NHERF4: variants seen among roughly 807,000 people sequenced by gnomAD.
NHERF4 encodes the protein Na(+)/H(+) exchange regulatory cofactor NHE-RF4.
At chr11:119,188,064 C>T in the NHERF4 span, 2 of 1,552,298 alleles carry the variant, frequency 1.3e-6, no homozygotes, top group Non-Finnish European at 8.7e-7. Context: ...CCCACCAAGC[C>T]CCGCTGCCTG....
the NHERF4 span, chr11:119,186,214 C>G: frequency 1.2e-6 from 2 of 1,614,118 alleles, no homozygotes; most frequent in East Asian, 2.2e-5. This position sits in a 1 kb window ranked among gnomAD's most constrained non-coding sequence, Gnocchi z 4.4. Flanking sequence ...GGAGGCACCA[C>G]GGCTCCACAC....
At chr11:119,187,514 C>T in the NHERF4 span, 1 of 1,612,092 alleles carries the variant, frequency 6.2e-7, no homozygotes. Flanking sequence ...AGCCCCTGTT[C>T]AGGGCAGGCA....
the NHERF4 span, chr11:119,187,728 C>T: frequency 6.8e-7 from 1 of 1,480,090 alleles, no homozygotes; most frequent in South Asian, 1.4e-5. Flanking sequence ...CCACTCTCCT[C>T]CCCCAATCCG....
the NHERF4 span, chr11:119,187,559 T>G: frequency 1.9e-6 from 3 of 1,596,646 alleles, no homozygotes; most frequent in African/African-American, 4.0e-5. Context: ...TTTTTTAATT[T>G]CTAGGCAATC....
the NHERF4 span, chr11:119,188,226 G>C: frequency 6.5e-7 from 1 of 1,548,928 alleles, no homozygotes; most frequent in Non-Finnish European, 8.7e-7. Flanking sequence ...TCAGTGCACC[G>C]AAGAGGTGTC....
chr11:119,188,329 G>A, the NHERF4 span: 2 of 1,612,880 alleles, frequency 1.2e-6, no homozygotes, highest in Non-Finnish European at 1.7e-6. Flanking sequence ...AGCTGGAGAG[G>A]AGCAGTGAGG....
the NHERF4 span, chr11:119,188,428 G>A: frequency 4.0e-5 from 64 of 1,613,876 alleles, no homozygotes; most frequent in East Asian, 1.4e-3. Context: ...ACCGGCTGGT[G>A]GCTGTGGCTG....
chr11:119,188,476 G>A, the NHERF4 span: 2 of 1,611,328 alleles, frequency 1.2e-6, no homozygotes, highest in Non-Finnish European at 1.7e-6. Flanking sequence ...AGGAGACAGT[G>A]TCCAGGATCC....
chr11:119,188,721 G>C, the NHERF4 span: 1 of 1,614,216 alleles, frequency 6.2e-7, no homozygotes, highest in Non-Finnish European at 8.5e-7. Flanking sequence ...CTCACTGGTT[G>C]AGACAGAGGA....
At chr11:119,189,138 T>TC in the NHERF4 span, 1 of 1,613,882 alleles carries the variant, frequency 6.2e-7, no homozygotes, top group Non-Finnish European at 8.5e-7. This position sits in a 1 kb window ranked among gnomAD's most constrained non-coding sequence, Gnocchi z 5.8. Context: ...GAGCCACCCC[T>TC]CTGCCTGAAG....
chr11:119,188,733 C>G, the NHERF4 span: 2 of 1,614,062 alleles, frequency 1.2e-6, no homozygotes, highest in Non-Finnish European at 1.7e-6. Context: ...GACAGAGGAC[C>G]CTTCACTTGA....
the NHERF4 span, chr11:119,188,983 C>A: frequency 6.2e-7 from 1 of 1,613,850 alleles, no homozygotes; most frequent in South Asian, 1.1e-5. Context: ...GTCCCCTGTT[C>A]TGCATGCCCC....
the NHERF4 span, chr11:119,187,550 T>C: frequency 6.2e-7 from 1 of 1,602,142 alleles, no homozygotes; most frequent in East Asian, 2.2e-5. Flanking sequence ...CTTGCTTTTT[T>C]TTTTAATTTC....
chr11:119,189,082 T>TG, the NHERF4 span: 1 of 1,614,118 alleles, frequency 6.2e-7, no homozygotes, highest in Admixed American at 1.7e-5. The surrounding 1 kb of genome is among the most constrained non-coding windows in gnomAD (Gnocchi z 5.8). Context: ...GGTATCCTGT[T>TG]GGGGGACAGA....
the NHERF4 span, chr11:119,188,367 G>A: frequency 1.2e-6 from 2 of 1,614,018 alleles, no homozygotes; most frequent in Non-Finnish European, 8.5e-7. Flanking sequence ...CAGTTCCTGT[G>A]GGAGGTGGAC....
chr11:119,185,839 G>A, the NHERF4 span: 10 of 1,584,692 alleles, frequency 6.3e-6, no homozygotes, highest in South Asian at 1.1e-4. Context: ...GTTTCCCTGA[G>A]TCCTTTTAGT....
chr11:119,188,405 A>T, the NHERF4 span: 1 of 1,613,738 alleles, frequency 6.2e-7, no homozygotes, highest in East Asian at 2.2e-5. Context: ...GAAGGCTGGG[A>T]TGCAGGCTGG....
At chr11:119,188,182 C>A in the NHERF4 span, 52 of 1,514,946 alleles carry the variant, frequency 3.4e-5, 1 homozygote, top group African/African-American at 5.9e-4. Flanking sequence ...GGAAGGTGGG[C>A]CTTGGGGTGG....
At chr11:119,188,612 A>C in the NHERF4 span, 5,527 of 1,612,740 alleles carry the variant, frequency 3.4e-3, 124 homozygotes, top group African/African-American at 0.052. Context: ...TGAGGTCCGA[A>C]AGATTTGCTC....
Sources: gnomAD v4.1 joint callset for allele counts on GRCh38, gnomAD v4.1.1 for gene constraint, Gnocchi (gnomAD v3.1) non-coding constraint, MANE v1.5 for transcripts, NCBI Gene and HGNC (gene_info 2026-07-23, HGNC 2026-07-21) for gene names.